ICA1: variants seen among roughly 807,000 people sequenced by gnomAD.
The protein encoded by ICA1 is 69 kDa islet cell autoantigen.
Under a neutral mutation model 71.0 loss-of-function variants are expected in ICA1, and 40 were observed. That is an observed-to-expected ratio of 0.56 (90% CI 0.44 to 0.73). The LOEUF is 0.73. ICA1 is among the 30% of genes least tolerant of loss of function. The pLI, the probability that ICA1 is intolerant of heterozygous loss-of-function variation, is 0.00. For synonymous variants in ICA1, 207 were observed against 209.5 expected, an observed-to-expected ratio of 0.99 and a Z score of 0.10; for missense variants, 578 against 576.5, an observed-to-expected ratio of 1.00 and a Z score of -0.03.
At chr7:8,217,389 GC>G (rs1795728810) in intron 6 of ICA1, among the ~76,000 whole-genome samples, 2 of 152,158 alleles carry the variant, frequency 1.3e-5, no homozygotes, top group African/African-American at 4.8e-5. Flanking sequence ...CCTCTACACA[GC>G]TAACCTCCAA....
chr7:8,169,214 T>A (rs191129424), intron 6 of ICA1, among the ~76,000 whole-genome samples: 8 of 152,304 alleles, frequency 5.3e-5, no homozygotes, highest in Admixed American at 3.9e-4. Flanking sequence ...TTTTTATTTC[T>A]CAAGTAGTAT....
intron 6 of ICA1, among the ~76,000 whole-genome samples, chr7:8,179,702 T>C (rs1317293758): frequency 2.0e-5 from 3 of 152,148 alleles, no homozygotes; most frequent in Non-Finnish European, 2.9e-5. Flanking sequence ...TTTGTTCTAG[T>C]TCCCCAAACG....
intron 3 of ICA1, among the ~76,000 whole-genome samples, chr7:8,232,145 CTAAA>C (rs1175120722): frequency 2.0e-5 from 3 of 152,198 alleles, no homozygotes; most frequent in African/African-American, 7.2e-5. Flanking sequence ...ACTAGTCTAA[CTAAA>C]TATCTCCTTA....
rs552901099 is a variant in ICA1 at position 8,163,114 on chromosome 7, G to A, written c.580-4462C>T. 5.3e-5 allele frequency among the ~76,000 whole-genome samples: 8 copies of A among 152,194 alleles called. No individual in the cohort carries two copies. The South Asian group carries it at 1.7e-3, about 32-fold the overall frequency. On this transcript the variant is annotated intron_variant, in intron 6 of 13. Coordinates refer to ENST00000402384, the MANE Select transcript of ICA1 (RefSeq NM_001136020.3). Reference sequence around the variant, plus strand: ...CTTAGTCTGGGTTCTGTCTTCCTCAGGCCACAGCAATTCAGTTTACCAGAG... The same window carrying A: ...CTTAGTCTGGGTTCTGTCTTCCTCAAGCCACAGCAATTCAGTTTACCAGAG...
intron 6 of ICA1, among the ~76,000 whole-genome samples, chr7:8,181,410 T>C (rs1023427054): frequency 1.4e-4 from 21 of 152,210 alleles, no homozygotes; most frequent in African/African-American, 4.6e-4. Flanking sequence ...TATCTGTAAA[T>C]GTAAGTCCTC....
At chr7:8,225,139 C>G (rs1798224967) in intron 4 of ICA1, among the ~76,000 whole-genome samples, 1 of 152,174 alleles carries the variant, frequency 6.6e-6, no homozygotes, top group Admixed American at 6.5e-5. Flanking sequence ...CTTTCACTCA[C>G]TAATTCTAAC....
At chr7:8,159,489 A>C (rs1173495937) in intron 6 of ICA1, among the ~76,000 whole-genome samples, 1 of 152,212 alleles carries the variant, frequency 6.6e-6, no homozygotes, top group East Asian at 1.9e-4. Context: ...AGGTGGGTGG[A>C]TCACTTGATC....
At position 8,235,983 on chromosome 7, in the gene ICA1, G is replaced by A. The variant is rs1352910298; in HGVS notation, c.-57C>T. 2 of 1,546,568 alleles carry A rather than the reference G, an allele frequency of 1.3e-6. No homozygotes were observed. Among genetic ancestry groups the A allele is most frequent in the African/African-American group, 2.7e-5 (2 of 73,268 alleles). ...GGGAGAAGGGGCAGGAAAAAAGCAT[G>A]AGAGGATAAGTTATATTATAACCTG... On this transcript the variant is annotated 5_prime_UTR_variant, in exon 2 of 14. Coordinates refer to ENST00000402384, the MANE Select transcript of ICA1 (RefSeq NM_001136020.3).
At chr7:8,210,900 C>A (rs906295688) in intron 6 of ICA1, among the ~76,000 whole-genome samples, 2 of 152,012 alleles carry the variant, frequency 1.3e-5, no homozygotes, top group Admixed American at 6.6e-5. Flanking sequence ...GCAAAATGTT[C>A]AAGGGATCCC....
chr7:8,200,221 A>T (rs1208699619), intron 6 of ICA1, among the ~76,000 whole-genome samples: 6 of 151,694 alleles, frequency 4.0e-5, no homozygotes, highest in Non-Finnish European at 8.8e-5. Context: ...AATTTAAAAA[A>T]TTAAAAAGTA....
chr7:8,143,712 G>A (rs977980626), intron 9 of ICA1, among the ~76,000 whole-genome samples, 163 bp downstream of exon 9: 1 of 152,182 alleles, frequency 6.6e-6, no homozygotes, highest in African/African-American at 2.4e-5. Flanking sequence ...CCTAGCAGGA[G>A]CATGCGTTAA....
At chr7:8,145,955 G>C (rs531783671) in intron 8 of ICA1, among the ~76,000 whole-genome samples, 1 of 152,038 alleles carries the variant, frequency 6.6e-6, no homozygotes, top group Admixed American at 6.6e-5. Flanking sequence ...GTGGAACCCA[G>C]GTCTTCTCTG....
At chr7:8,136,308 G>A (rs913115997) in intron 12 of ICA1, among the ~76,000 whole-genome samples, 1 of 152,216 alleles carries the variant, frequency 6.6e-6, no homozygotes, top group Non-Finnish European at 1.5e-5. Flanking sequence ...AGAGCTTATC[G>A]TCCCCAAGTC....
chr7:8,141,891 C>T, intron 9 of ICA1, 74 bp from the exon 10 acceptor site: 1 of 1,342,522 alleles, frequency 7.4e-7, no homozygotes, highest in South Asian at 1.2e-5. Flanking sequence ...ACTTTCAGTA[C>T]AATATTACTT....
intron 6 of ICA1, among the ~76,000 whole-genome samples, chr7:8,183,149 T>C (rs149509626): frequency 1.3e-5 from 2 of 152,308 alleles, no homozygotes; most frequent in African/African-American, 4.8e-5. Flanking sequence ...TTCCAGCTCT[T>C]GGTCTCCTAT....
Position 8,124,892 on chromosome 7 carries a change from G to A in ICA1, c.1330+2981C>T, listed in dbSNP as rs578259184. Among the ~76,000 whole-genome samples the A allele has an allele frequency of 5.9e-5, 9 of 151,758 alleles. No individual in the cohort carries two copies. The South Asian group carries it at 1.7e-3, about 28-fold the overall frequency. ...CAACCTCTACCTCCTGGATTCAAAT[G>A]ATTCTCCTGCCTCAGCCTCCCGAGT... On this transcript the variant is annotated intron_variant, in intron 13 of 13. Transcript: ENST00000402384.
intron 9 of ICA1, 107 bp from the exon 10 acceptor site, chr7:8,141,924 A>G: frequency 1.2e-6 from 1 of 842,092 alleles, no homozygotes; most frequent in South Asian, 1.8e-5. Context: ...AAACACATAC[A>G]CCACACACAC....
Position 8,138,996 on chromosome 7 carries a change from G to T in ICA1, c.1007C>A (p.Thr336Asn), listed in dbSNP as rs1015034853. ...LSALDKGSTH[T>N]ACSGPIDELL... ...TTAATCTAGGTTACCTGAGCATGCA[G>T]TATGTGTAGAGCCTTTGTCTAAGGC... Residue 336 changes from threonine to asparagine, a missense_variant, in exon 11 of 14, where the codon ACT (threonine) becomes AAT (asparagine). Coordinates refer to ENST00000402384, the MANE Select transcript of ICA1 (RefSeq NM_001136020.3). 1.9e-6 allele frequency: 3 copies of T among 1,612,822 alleles called. No individual in the cohort carries two copies. Among genetic ancestry groups the T allele is most frequent in the Non-Finnish European group, 2.5e-6 (3 of 1,178,986 alleles).
chr7:8,238,750 G>T (rs1275205816), intron 1 of ICA1, among the ~76,000 whole-genome samples: 4 of 152,074 alleles, frequency 2.6e-5, no homozygotes, highest in Non-Finnish European at 5.9e-5. Flanking sequence ...TGAGCAAATT[G>T]CCCCTTCTAC....
Sources: allele counts gnomAD v4.1 joint callset (sites outside exome capture counted in the v4.1 genomes callset), GRCh38; gene constraint gnomAD v4.1.1; transcripts MANE v1.5; gene names NCBI Gene and HGNC (gene_info 2026-07-23, HGNC 2026-07-21).